Variants in CEP126 observed in about 807,000 individuals in gnomAD.
CEP126 encodes centrosomal protein of 126 kDa.
CEP126 carries 74 observed loss-of-function variants against 107.8 expected under a neutral mutation model. The observed-to-expected ratio is 0.69, with a 90% CI of 0.57 to 0.83. CEP126 has a LOEUF of 0.83. Ranked by LOEUF, CEP126 falls within the 40% of genes least tolerant of loss-of-function variation. CEP126 has a pLI of 0.00. For missense variants in CEP126, 1,237 were observed against 1,281.9 expected, an observed-to-expected ratio of 0.96 and a Z score of 0.53; for synonymous variants, 449 against 446.0, an observed-to-expected ratio of 1.01 and a Z score of -0.08.
chr11:101,949,648 AAT>A (rs1425032795), intron 4 of CEP126, among the ~76,000 whole-genome samples: 1 of 152,198 alleles, frequency 6.6e-6, no homozygotes, highest in African/African-American at 2.4e-5. Flanking sequence ...TGGGAAAAAA[AAT>A]AGTTTACAGA....
rs760183275 is a variant in CEP126 at position 101,997,658 on chromosome 11, G to A, written c.*15G>A. 51 of 1,613,648 alleles carry A rather than the reference G, an allele frequency of 3.2e-5. No individual in the cohort carries two copies. Among genetic ancestry groups the A allele is most frequent in the Middle Eastern group, 3.3e-4 (2 of 6,082 alleles). ...ACAAGAGATAATTCCAGCAGAATCC[G>A]TCTAAGAAGACCTTTCATGTACTTC... On this transcript the variant is annotated 3_prime_UTR_variant, in exon 11 of 11. Coordinates refer to ENST00000263468, the MANE Select transcript of CEP126 (RefSeq NM_020802.4).
intron 2 of CEP126, among the ~76,000 whole-genome samples, chr11:101,942,091 A>G (rs1940673086): frequency 6.6e-6 from 1 of 151,858 alleles, no homozygotes; most frequent in Non-Finnish European, 1.5e-5. Flanking sequence ...TGGCCTTTTT[A>G]CTGTGTTGAT....
intron 6 of CEP126, among the ~76,000 whole-genome samples, chr11:101,977,794 G>A (rs1253655538): frequency 3.3e-5 from 5 of 151,978 alleles, no homozygotes; most frequent in Admixed American, 2.0e-4. Flanking sequence ...TATAAGATAC[G>A]CATAAATTCA....
chr11:101,959,206 G>C (rs191381997), intron 5 of CEP126, among the ~76,000 whole-genome samples: 3,031 of 150,174 alleles, frequency 0.02, 64 homozygotes, highest in Non-Finnish European at 0.032. Context: ...CACCAGGCTG[G>C]AGTACAGTGG....
chr11:101,981,064 A>T (rs1941249189), intron 7 of CEP126, among the ~76,000 whole-genome samples: 1 of 152,194 alleles, frequency 6.6e-6, no homozygotes, highest in Non-Finnish European at 1.5e-5. Context: ...TCTCTCAGAA[A>T]GTGTTAGATG....
At chr11:101,955,093 A>G (rs1242094830) in intron 4 of CEP126, among the ~76,000 whole-genome samples, 2 of 152,194 alleles carry the variant, frequency 1.3e-5, no homozygotes, top group African/African-American at 4.8e-5. Flanking sequence ...TAAAAGAGAA[A>G]AAAAATATAT....
At chr11:101,953,235 G>T (rs80091921) in intron 4 of CEP126, among the ~76,000 whole-genome samples, 4,257 of 152,272 alleles carry the variant, frequency 0.028, 82 homozygotes, top group African/African-American at 0.052. Flanking sequence ...GATACCTGTG[G>T]TTTCTTTGCA....
chr11:101,997,468 C>G, intron 10 of CEP126, 131 bp from the exon 11 acceptor site: 1 of 1,430,286 alleles, frequency 7.0e-7, no homozygotes, highest in South Asian at 1.3e-5. Context: ...CCTCTGCAAT[C>G]TTAAACTCAT....
rs11225083 is a variant in CEP126, at chr11:101,948,876, G to T, written c.506+734G>T. Among the ~76,000 whole-genome samples, 8 of 151,900 alleles carry T rather than the reference G, an allele frequency of 5.3e-5. 1 individual carries two copies. The highest frequency in any genetic ancestry group is 3.9e-4 in the Admixed American group (6 of 15,228). Reference sequence around the variant, plus strand: ...ATATAAAATTCATTTATATAAATACGTCCACAATTCAGACAATAAATTATG... The same window carrying T: ...ATATAAAATTCATTTATATAAATACTTCCACAATTCAGACAATAAATTATG... On this transcript the variant is annotated intron_variant, in intron 4 of 10. Coordinates refer to ENST00000263468, the MANE Select transcript of CEP126 (RefSeq NM_020802.4).
At chr11:101,982,539 C>CT (rs930888200) in intron 8 of CEP126, among the ~76,000 whole-genome samples, 3 of 151,972 alleles carry the variant, frequency 2.0e-5, no homozygotes, top group Admixed American at 6.6e-5. Context: ...TCTTTGTACT[C>CT]TTTTTTCTTA....
At chr11:101,979,070 T>C (rs1271275828) in intron 7 of CEP126, among the ~76,000 whole-genome samples, 2 of 151,800 alleles carry the variant, frequency 1.3e-5, no homozygotes, top group African/African-American at 4.8e-5. Context: ...AGGCGGAGGT[T>C]ACAGTGAGCT....
chr11:101,939,557 G>C (rs1228727560), intron 2 of CEP126, among the ~76,000 whole-genome samples: 1 of 152,180 alleles, frequency 6.6e-6, no homozygotes, highest in Non-Finnish European at 1.5e-5. Context: ...TGAAGGGTCT[G>C]AGATTTTACC....
At chr11:101,976,386 A>G (rs1427174064) in intron 6 of CEP126, among the ~76,000 whole-genome samples, 1 of 152,176 alleles carries the variant, frequency 6.6e-6, no homozygotes, top group East Asian at 1.9e-4. Flanking sequence ...AGTGATGATA[A>G]TAGTGCCTAT....
rs766464280 is a variant in CEP126, at chr11:101,963,092, C to A, written c.2057C>A (p.Thr686Lys). The A allele has an allele frequency of 3.1e-6, 5 of 1,613,964 alleles. No homozygotes were observed. The East Asian group carries it at 8.9e-5, about 29-fold the overall frequency. Residue 686 changes from threonine to lysine, a missense_variant, in exon 6 of 11, where the codon ACA becomes AAA. Coordinates refer to ENST00000263468, the MANE Select transcript of CEP126 (RefSeq NM_020802.4). ...ACTTGTGCTGTAAATTCTGCTGATA[C>A]AAAGAAGTCCAGGGAGGATTCTATC... ...VSTCAVNSAD[T>K]KKSREDSISE...
chr11:102,000,762 T>G lies in CEP126; in HGVS notation c.*3119T>G, dbSNP rs1389175419. 2.0e-5 allele frequency: 3 copies of G among 152,042 alleles called. No homozygotes were observed. Among genetic ancestry groups the G allele is most frequent in the African/African-American group, 7.2e-5 (3 of 41,418 alleles). The allele number at this position is 152,042 out of a possible 1,614,324, so 9.4% of individuals were successfully genotyped here. ...GGTATCAAATAATTGAAAGAAAAGTTTAAACACATTTCCGAGAGGCAGGGC... is the reference window on the plus strand; with the variant it reads ...GGTATCAAATAATTGAAAGAAAAGTGTAAACACATTTCCGAGAGGCAGGGC... On this transcript the variant is annotated 3_prime_UTR_variant, in exon 11 of 11. Transcript: ENST00000263468.
chr11:101,988,304 C>T (rs1941337389), intron 9 of CEP126, among the ~76,000 whole-genome samples: 2 of 152,194 alleles, frequency 1.3e-5, no homozygotes, highest in East Asian at 3.9e-4. Context: ...CACCAGATTA[C>T]AGACGTCTGA....
rs369939612 is a variant in CEP126 at position 101,962,150 on chromosome 11, C to T, written c.1115C>T (p.Ser372Phe). The T allele has an allele frequency of 6.2e-7, 1 of 1,613,014 alleles. No individual in the cohort carries two copies. The highest frequency in any genetic ancestry group is 8.5e-7 in the Non-Finnish European group (1 of 1,179,656). The stretch of plus-strand genomic sequence containing the variant: ...GCTAATAATTCAGTACCCTTTGTAT[C>T]TAGCCCACCCATGTTTGTACTAGAT... ...NTANNSVPFV[S>F]SPPMFVLDKK... The change falls in exon 6 of 11, where the codon TCT becomes TTT. Residue 372 changes from serine to phenylalanine, a missense_variant. By Grantham distance (155) the Ser-to-Phe change is radical (BLOSUM62 -2). Around this residue, in one of 3 missense-constraint regions of CEP126, gnomAD observed 1,134 missense variants for 1,150.5 expected, o/e 0.99. Coordinates refer to ENST00000263468, the MANE Select transcript of CEP126 (RefSeq NM_020802.4).
chr11:101,949,897 G>GAGA (rs1352434223), intron 4 of CEP126, among the ~76,000 whole-genome samples: 5 of 152,174 alleles, frequency 3.3e-5, no homozygotes. Context: ...TGGTCCTAGG[G>GAGA]AGAGGAATGT....
In CEP126 at chr11:101,948,141, A is replaced by G; in HGVS notation, c.505A>G (p.Arg169Gly). 6.5e-7 allele frequency: 1 copy of G among 1,542,418 alleles called. No homozygotes were observed. The change falls in exon 4 of 11, where the codon AGA (arginine) becomes GGA (glycine). Residue 169 changes from arginine to glycine, a missense_variant and splice_region_variant. Physicochemically the swap from Arg to Gly is moderately radical, Grantham distance 125 (BLOSUM62 -2). Around this residue, in one of 3 missense-constraint regions of CEP126, gnomAD observed 1,134 missense variants for 1,150.5 expected, o/e 0.99. Coordinates refer to ENST00000263468, the MANE Select transcript of CEP126 (RefSeq NM_020802.4). ...TTCCCGTAGACCAACAATAAACTGG[A>G]GGTAAGTAATTTATGATCATTGTAT... The part of the protein sequence containing the change: ...PFSRRPTINW[R>G]AIDSALPSAL...
Sources: gnomAD v4.1 joint callset for allele counts (sites outside exome capture counted in the v4.1 genomes callset) on GRCh38, gnomAD v4.1.1 for gene constraint, gnomAD v4.1.1 regional missense constraint, MANE v1.5 for transcripts, NCBI Gene and HGNC (gene_info 2026-07-23, HGNC 2026-07-21) for gene names.